The following MGST2 variants were observed in gnomAD, a reference collection of about 807,000 sequenced individuals.
MGST2 encodes the protein microsomal glutathione S-transferase 2.
MGST2 carries 9 observed loss-of-function variants against 16.6 expected under a neutral mutation model. That is an observed-to-expected ratio of 0.54 (90% CI 0.33 to 0.95). The LOEUF is 0.95. MGST2 is among the 40% of genes least tolerant of loss of function. The pLI is 0.03. For missense variants in MGST2, 159 were observed against 175.1 expected, an observed-to-expected ratio of 0.91 and a Z score of 0.52; for synonymous variants, 79 against 68.0, an observed-to-expected ratio of 1.16 and a Z score of -0.79.
intron 1 of MGST2, among the ~76,000 whole-genome samples, chr4:139,666,391 G>T (rs768279270): frequency 6.6e-6 from 1 of 152,094 alleles, no homozygotes; most frequent in Admixed American, 6.6e-5. Flanking sequence ...CCGTTCAAAC[G>T]AGCGTTAGTA....
intron 1 of MGST2, among the ~76,000 whole-genome samples, chr4:139,672,716 A>G (rs568875107): frequency 1.3e-4 from 20 of 151,692 alleles, no homozygotes; most frequent in African/African-American, 4.8e-4. Flanking sequence ...AAACTCAGCT[A>G]ATTTTTGTAT....
intron 1 of MGST2, among the ~76,000 whole-genome samples, chr4:139,674,351 CA>C (rs1280961799): frequency 2.0e-5 from 3 of 152,208 alleles, no homozygotes; most frequent in East Asian, 3.9e-4. Context: ...TTTACTGAAT[CA>C]AAGGAAGCAA....
At chr4:139,678,731 C>T (rs1731089455) in intron 2 of MGST2, 89 bp downstream of exon 2, 1 of 1,007,892 alleles carries the variant, frequency 9.9e-7, no homozygotes, top group Non-Finnish European at 1.6e-6. Context: ...GGAGAAGACC[C>T]TAAGTTCATG....
At chr4:139,725,641 G>T in intron 5 of MGST2, 2 of 1,037,982 alleles carry the variant, frequency 1.9e-6, no homozygotes, top group Non-Finnish European at 2.9e-6. Flanking sequence ...TACATATTTT[G>T]AGTATTTCCT....
chr4:139,709,644 T>G (rs1012559319), intron 5 of MGST2, among the ~76,000 whole-genome samples: 1 of 152,244 alleles, frequency 6.6e-6, no homozygotes, highest in Non-Finnish European at 1.5e-5. Context: ...TGTATTATTA[T>G]TTCTACTTTC....
chr4:139,728,188 C>T (rs1451935520), intron 5 of MGST2, among the ~76,000 whole-genome samples: 2 of 152,152 alleles, frequency 1.3e-5, no homozygotes, highest in African/African-American at 4.8e-5. Flanking sequence ...GCACTCCAGC[C>T]TGGGTGACAA....
At position 139,691,675 on chromosome 4, in the gene MGST2, TGATG is replaced by T. The variant is rs1560747709; in HGVS notation, c.159-3521_159-3518del. Among the ~76,000 whole-genome samples the T allele has an allele frequency of 6.0e-4, 86 of 142,608 alleles. No individual in the cohort carries two copies. The Middle Eastern group carries it at 0.014, about 24-fold the overall frequency. The allele number at this position is 142,608 out of a possible 152,430, so 93.6% of individuals were successfully genotyped here. On this transcript the variant is annotated intron_variant, in intron 2 of 4. Transcript: ENST00000265498. ...CACCCCACTGGCAGTCAGATGATGA[TGATG>T]ATGATGATGATGATGATGATTATTA...
At chr4:139,731,165 G>A (rs566747678) in intron 5 of MGST2, 1 of 162,852 alleles carries the variant, frequency 6.1e-6, no homozygotes, top group Non-Finnish European at 1.4e-5. Flanking sequence ...GATATTTGAT[G>A]GAATTCTAAC....
chr4:139,701,122 G>A (rs1349921474), intron 3 of MGST2, among the ~76,000 whole-genome samples: 2 of 152,288 alleles, frequency 1.3e-5, no homozygotes, highest in Non-Finnish European at 2.9e-5. Context: ...TTTTGGTAAT[G>A]GGACTCTGTC....
At chr4:139,698,353 A>G in intron 3 of MGST2, 1 of 1,601,940 alleles carries the variant, frequency 6.2e-7, no homozygotes, top group Non-Finnish European at 8.6e-7. Flanking sequence ...AGACGCTGGA[A>G]GGGAAGTTTG....
rs189278175 is a variant in MGST2 at position 139,683,379 on chromosome 4, G to A, written c.158+4737G>A. 4.8e-3 allele frequency among the ~76,000 whole-genome samples: 724 copies of A among 152,296 alleles called. 4 individuals are homozygous for A. The highest frequency in any genetic ancestry group is 0.016 in the African/African-American group (684 of 41,570). On this transcript the variant is annotated intron_variant, in intron 2 of 4. Coordinates refer to ENST00000265498, the MANE Select transcript of MGST2 (RefSeq NM_002413.5). ...CATCCATCCCAAAGGATGGCCTTGC[G>A]ATGATCTGAGATGGAGAAGGCTGCA...
intron 5 of MGST2, among the ~76,000 whole-genome samples, chr4:139,736,051 T>C (rs1728931083): frequency 6.6e-6 from 1 of 151,894 alleles, no homozygotes; most frequent in Admixed American, 6.6e-5. Context: ...AGAGTAAAAA[T>C]AAATCAATGC....
intron 5 of MGST2, chr4:139,716,809 C>T (rs1727987445): frequency 2.0e-5 from 3 of 152,546 alleles, no homozygotes; most frequent in Admixed American, 2.0e-4. Context: ...GGTATGTCAA[C>T]ATCACTTCAT....
intron 5 of MGST2, among the ~76,000 whole-genome samples, chr4:139,739,595 A>G (rs1729082310): frequency 2.0e-5 from 3 of 152,034 alleles, no homozygotes; most frequent in Admixed American, 1.3e-4. Flanking sequence ...TAGGCAGCCA[A>G]TAAAAATCAT....
chr4:139,727,003 C>G (rs1728501127), intron 5 of MGST2, among the ~76,000 whole-genome samples: 1 of 152,182 alleles, frequency 6.6e-6, no homozygotes, highest in African/African-American at 2.4e-5. Context: ...CTTTCATCTG[C>G]AAGGGCTATA....
chr4:139,696,148 T>C (rs960939364), intron 3 of MGST2, among the ~76,000 whole-genome samples: 3 of 152,140 alleles, frequency 2.0e-5, no homozygotes, highest in African/African-American at 7.2e-5. Context: ...CATTTTCACG[T>C]TGAGTAAGCT....
At chr4:139,725,941 A>C in intron 5 of MGST2, 1 of 902,810 alleles carries the variant, frequency 1.1e-6, no homozygotes, top group Non-Finnish European at 1.8e-6. Flanking sequence ...CCAAAACTAA[A>C]CTTTGTGTTG....
In MGST2 at chr4:139,702,079, A is replaced by G. The variant is rs17285463; in HGVS notation, c.230-1376A>G. On this transcript the variant is annotated intron_variant, in intron 3 of 4. Coordinates refer to ENST00000265498, the MANE Select transcript of MGST2 (RefSeq NM_002413.5). Reference sequence around the variant, plus strand: ...TTACAGTAGGGCTCTGGCAACTTGCATCTGTGAGGTGCTGAGGAAGAGAGT... The same window carrying G: ...TTACAGTAGGGCTCTGGCAACTTGCGTCTGTGAGGTGCTGAGGAAGAGAGT... 6.7e-3 allele frequency among the ~76,000 whole-genome samples: 1,021 copies of G among 152,316 alleles called. 13 individuals carry two copies. The highest frequency in any genetic ancestry group is 0.041 in the South Asian group (196 of 4,822).
In MGST2 at chr4:139,687,367, C is replaced by T. The variant is rs567049898; in HGVS notation, c.159-7830C>T. ...AGGCGTAGGATAAATCGGGCCAAAC[C>T]AAATCAAGAGTCATTGCTTGCAAAG... On this transcript the variant is annotated intron_variant, in intron 2 of 4. Coordinates refer to ENST00000265498, the MANE Select transcript of MGST2 (RefSeq NM_002413.5). Among the ~76,000 whole-genome samples the T allele has an allele frequency of 4.6e-5, 7 of 152,302 alleles. No homozygotes were observed. The South Asian group carries it at 1.2e-3, about 27-fold the overall frequency.
Sources: allele counts gnomAD v4.1 joint callset (sites outside exome capture counted in the v4.1 genomes callset), GRCh38; gene constraint gnomAD v4.1.1; transcripts MANE v1.5; gene names NCBI Gene and HGNC (gene_info 2026-07-23, HGNC 2026-07-21).